Variants in PGCKA1 observed in about 807,000 individuals in gnomAD.
The protein encoded by PGCKA1 is PDCD10 and GCKIII kinases associated 1, also known as PDCD10 and GCKIII kinases-associated protein 1.
At chr4:37,556,559 C>T in the PGCKA1 span, among the ~76,000 whole-genome samples, 1 of 152,108 alleles carries the variant, frequency 6.6e-6, no homozygotes, top group African/African-American at 2.4e-5. Context: ...ATGACCACGC[C>T]CAGCCCCTTT....
the PGCKA1 span, among the ~76,000 whole-genome samples, chr4:37,504,900 A>T: frequency 6.6e-6 from 1 of 152,162 alleles, no homozygotes; most frequent in African/African-American, 2.4e-5. Context: ...TCAAATCTGG[A>T]TGCCCTTTAT....
the PGCKA1 span, among the ~76,000 whole-genome samples, chr4:37,582,200 T>C: frequency 6.6e-6 from 1 of 152,186 alleles, no homozygotes; most frequent in Admixed American, 6.5e-5. Context: ...CTTTCAGCAA[T>C]ATGAAGTTAA....
At chr4:37,514,014 G>C in the PGCKA1 span, among the ~76,000 whole-genome samples, 1 of 152,172 alleles carries the variant, frequency 6.6e-6, no homozygotes, top group Non-Finnish European at 1.5e-5. Context: ...AATTTATAAT[G>C]AACAGAAATT....
the PGCKA1 span, among the ~76,000 whole-genome samples, chr4:37,580,463 G>T: frequency 1.3e-5 from 2 of 152,070 alleles, no homozygotes; most frequent in Non-Finnish European, 2.9e-5. Flanking sequence ...TGTGTGTTGT[G>T]ATCTGAGCCA....
At chr4:37,480,132 G>A in the PGCKA1 span, among the ~76,000 whole-genome samples, 1 of 152,180 alleles carries the variant, frequency 6.6e-6, no homozygotes, top group Non-Finnish European at 1.5e-5. Flanking sequence ...AAGGGAGGTC[G>A]TAAGAGTTAA....
chr4:37,521,405 G>T, the PGCKA1 span, among the ~76,000 whole-genome samples: 10 of 152,184 alleles, frequency 6.6e-5, no homozygotes, highest in African/African-American at 2.4e-4. Flanking sequence ...TTTGTTTCAA[G>T]AAATTTTTCA....
chr4:37,471,747 A>G, the PGCKA1 span, among the ~76,000 whole-genome samples: 1 of 152,216 alleles, frequency 6.6e-6, no homozygotes, highest in Non-Finnish European at 1.5e-5. Context: ...GGCTTTTCAG[A>G]GAAAGTGAAG....
At chr4:37,568,577 G>A in the PGCKA1 span, among the ~76,000 whole-genome samples, 27 of 152,216 alleles carry the variant, frequency 1.8e-4, no homozygotes, top group Non-Finnish European at 2.9e-4. Context: ...CAGGGAATAA[G>A]ACAGAGAACT....
the PGCKA1 span, among the ~76,000 whole-genome samples, chr4:37,561,911 TG>T: frequency 1.2e-3 from 186 of 152,352 alleles, 1 homozygote; most frequent in Non-Finnish European, 2.4e-3. Flanking sequence ...GACTCATTTC[TG>T]AACAAAGCTT....
At chr4:37,543,710 T>G in the PGCKA1 span, among the ~76,000 whole-genome samples, 1 of 150,664 alleles carries the variant, frequency 6.6e-6, no homozygotes, top group Non-Finnish European at 1.5e-5. Flanking sequence ...GGCGGGCGCC[T>G]GTAGTCCCAG....
At chr4:37,470,317 G>A in the PGCKA1 span, among the ~76,000 whole-genome samples, 15 of 152,322 alleles carry the variant, frequency 9.8e-5, no homozygotes, top group African/African-American at 3.6e-4. Context: ...ATTAAGAAAT[G>A]TGTGTTTCTG....
chr4:37,544,089 G>A, the PGCKA1 span, among the ~76,000 whole-genome samples: 5 of 152,122 alleles, frequency 3.3e-5, no homozygotes, highest in African/African-American at 7.2e-5. Flanking sequence ...GATGATAAAC[G>A]TTTTGAGACC....
At chr4:37,493,712 C>T in the PGCKA1 span, among the ~76,000 whole-genome samples, 1 of 152,158 alleles carries the variant, frequency 6.6e-6, no homozygotes, top group Non-Finnish European at 1.5e-5. Flanking sequence ...ACCCCCACCT[C>T]CCCATCCTCC....
chr4:37,476,083 T>C, the PGCKA1 span, among the ~76,000 whole-genome samples: 1 of 152,060 alleles, frequency 6.6e-6, no homozygotes, highest in Admixed American at 6.5e-5. Flanking sequence ...TGGCTCTATT[T>C]TGATTTTGCT....
the PGCKA1 span, among the ~76,000 whole-genome samples, chr4:37,508,683 C>CTTTTTTTTTT: frequency 9.3e-4 from 79 of 84,850 alleles, 6 homozygotes; most frequent in African/African-American, 3.9e-3. Flanking sequence ...TTTGCTGAAT[C>CTTTTTTTTTT]TTTTTTTTAG....
At chr4:37,484,006 C>T in the PGCKA1 span, among the ~76,000 whole-genome samples, 1 of 152,266 alleles carries the variant, frequency 6.6e-6, no homozygotes, top group Non-Finnish European at 1.5e-5. Flanking sequence ...AAAAACAAAA[C>T]TGAAACACTC....
chr4:37,470,793 G>C, the PGCKA1 span, among the ~76,000 whole-genome samples: 2 of 152,106 alleles, frequency 1.3e-5, no homozygotes, highest in Non-Finnish European at 2.9e-5. Context: ...AAATTACATT[G>C]TTTGAAGAAT....
the PGCKA1 span, among the ~76,000 whole-genome samples, chr4:37,462,667 T>C: frequency 6.6e-6 from 1 of 152,220 alleles, no homozygotes; most frequent in Admixed American, 6.5e-5. Context: ...AATTTTGCCG[T>C]CCATTCCTTT....
the PGCKA1 span, among the ~76,000 whole-genome samples, chr4:37,519,280 AT>A: frequency 3.2e-4 from 47 of 147,744 alleles, no homozygotes; most frequent in Middle Eastern, 6.9e-3. Context: ...AATTTTTAGG[AT>A]TTTTTTTTTT....
Sources: allele counts gnomAD v4.1 joint callset (sites outside exome capture counted in the v4.1 genomes callset), GRCh38; gene constraint gnomAD v4.1.1; transcripts MANE v1.5; gene names NCBI Gene and HGNC (gene_info 2026-07-23, HGNC 2026-07-21).